SP4: variants seen among roughly 807,000 people sequenced by gnomAD.
SP4 encodes Sp4 transcription factor.
Under a neutral mutation model 72.8 loss-of-function variants are expected in SP4, and 19 were observed. The observed-to-expected ratio is 0.26, with a 90% CI of 0.18 to 0.38. SP4 has a LOEUF of 0.38. Ranked by LOEUF, SP4 falls within the 10% of genes least tolerant of loss-of-function variation. The probability of loss-of-function intolerance (pLI) is 1.00; values close to 1 mark genes in which losing one functional copy is unlikely to be tolerated. For synonymous variants in SP4, 395 were observed against 333.1 expected (o/e 1.19, Z -2.02); for missense variants, 1,008 against 926.3 (o/e 1.09, Z -1.14).
intron 5 of SP4, among the ~76,000 whole-genome samples, chr7:21,505,736 A>G (rs975389684): frequency 6.6e-6 from 1 of 152,164 alleles, no homozygotes; most frequent in Admixed American, 6.5e-5. Flanking sequence ...TAGCCCTTAG[A>G]TCTTGTAGCA....
rs1223690822 is a variant in SP4, at chr7:21,511,318, T to G, written c.*49T>G. On this transcript the variant is annotated 3_prime_UTR_variant, in exon 6 of 6. Coordinates refer to ENST00000222584, the MANE Select transcript of SP4 (RefSeq NM_003112.5). The stretch of plus-strand genomic sequence containing the variant: ...CTAGTGCTGCACTTGTTTACACACC[T>G]TTGAAAATCTGGAAATGGGCTGGTC... The G allele has an allele frequency of 6.4e-7, 1 of 1,560,796 alleles. No individual in the cohort carries two copies. The highest frequency in any genetic ancestry group is 8.7e-7 in the Non-Finnish European group (1 of 1,148,042).
chr7:21,485,322 T>C (rs1465695943), intron 5 of SP4, among the ~76,000 whole-genome samples: 1 of 151,938 alleles, frequency 6.6e-6, no homozygotes, highest in Non-Finnish European at 1.5e-5. Context: ...AATAGTGATC[T>C]GTTTGCTTTT....
intron 3 of SP4, among the ~76,000 whole-genome samples, chr7:21,435,784 A>G (rs1205460671): frequency 6.6e-6 from 1 of 152,146 alleles, no homozygotes; most frequent in African/African-American, 2.4e-5. Flanking sequence ...TACCTATTGA[A>G]TGATTTTTTC....
At position 21,430,770 on chromosome 7, in the gene SP4, A is replaced by G; in HGVS notation, c.1605A>G (p.Thr535=). The change falls in exon 3 of 6, where the codon ACA becomes ACG. Residue 535 remains threonine, a synonymous_variant. Transcript: ENST00000222584. ...AQLASVPNLQ[T]VSVANLGAAG... is the part of the protein sequence containing the mutation. ...TTGCATCAGTGCCTAACCTTCAGACAGTGAGCGTTGCCAACCTGGGTGCTG... is the reference window on the plus strand; with the variant it reads ...TTGCATCAGTGCCTAACCTTCAGACGGTGAGCGTTGCCAACCTGGGTGCTG... The G allele has an allele frequency of 6.2e-7, 1 of 1,614,242 alleles. No individual in the cohort carries two copies. The highest frequency in any genetic ancestry group is 8.5e-7 in the Non-Finnish European group (1 of 1,180,038).
intron 3 of SP4, among the ~76,000 whole-genome samples, chr7:21,476,838 A>G (rs1423524894): frequency 6.6e-6 from 1 of 152,208 alleles, no homozygotes; most frequent in Admixed American, 6.5e-5. Flanking sequence ...ATTAAGCCAC[A>G]AAGTGAGTTA....
At chr7:21,505,167 A>C (rs1439209523) in intron 5 of SP4, among the ~76,000 whole-genome samples, 1 of 152,190 alleles carries the variant, frequency 6.6e-6, no homozygotes, top group Non-Finnish European at 1.5e-5. Flanking sequence ...GTAGCCAGTT[A>C]AATCTAAAAA....
intron 5 of SP4, among the ~76,000 whole-genome samples, chr7:21,498,425 G>C (rs1208892999): frequency 6.6e-6 from 1 of 152,128 alleles, no homozygotes; most frequent in Admixed American, 6.6e-5. Context: ...CCAGGTAAAT[G>C]ATACTGGAAA....
chr7:21,510,360 TTAGTTAACATTAAACTAGCTTTTA>T lies in SP4; in HGVS notation c.2108-660_2108-637del, dbSNP rs1178664589. Among the ~76,000 whole-genome samples the T allele has an allele frequency of 4.1e-3, 619 of 151,380 alleles. 3 individuals carry two copies. The highest frequency in any genetic ancestry group is 0.014 in the African/African-American group (560 of 40,662). ...CAAAAACAAAAAGGCCTTTTTGTTTTTAGTTAACATTAAACTAGCTTTTATTCCAAAACAAAGAAGTCGGTCCAG... is the reference window on the plus strand; with the variant it reads ...CAAAAACAAAAAGGCCTTTTTGTTTTTTCCAAAACAAAGAAGTCGGTCCAG... On this transcript the variant is annotated intron_variant, in intron 5 of 5. Transcript: ENST00000222584.
chr7:21,462,026 A>AG (rs1784007179), intron 3 of SP4, among the ~76,000 whole-genome samples: 1 of 115,320 alleles, frequency 8.7e-6, no homozygotes, highest in Non-Finnish European at 1.8e-5. Flanking sequence ...TTTTAGTTTT[A>AG]GTTTTTTTTT....
chr7:21,469,255 A>G (rs982002230), intron 3 of SP4, among the ~76,000 whole-genome samples: 5 of 152,182 alleles, frequency 3.3e-5, no homozygotes, highest in Admixed American at 1.3e-4. Context: ...CAGAATTTTT[A>G]TATAGTAAAG....
rs1782138487 is a variant in SP4, at chr7:21,511,372, T to TTTC, written c.*104_*106dup. The TTTC allele has an allele frequency of 8.2e-7, 1 of 1,212,456 alleles. No homozygotes were observed. Among genetic ancestry groups the TTTC allele is most frequent in the Non-Finnish European group, 1.1e-6 (1 of 871,504 alleles). The allele number at this position is 1,212,456 out of a possible 1,614,324, so 75.1% of individuals were successfully genotyped here. Reference sequence around the variant, plus strand: ...TGGATTACAGAGTAGGAAATTATGTTTTCATTCTTGGCTTCTTTAAGTATT... The same window carrying TTTC: ...TGGATTACAGAGTAGGAAATTATGTTTTCTTCATTCTTGGCTTCTTTAAGTATT... On this transcript the variant is annotated 3_prime_UTR_variant, in exon 6 of 6. Coordinates refer to ENST00000222584, the MANE Select transcript of SP4 (RefSeq NM_003112.5).
intron 3 of SP4, among the ~76,000 whole-genome samples, chr7:21,461,416 C>T (rs946959577): frequency 1.5e-4 from 23 of 152,168 alleles, no homozygotes; most frequent in African/African-American, 3.4e-4. Context: ...AGAAATCGAG[C>T]GCAGCGCCAG....
At chr7:21,493,199 G>GGA (rs1554300574) in intron 5 of SP4, among the ~76,000 whole-genome samples, 6 of 146,478 alleles carry the variant, frequency 4.1e-5, no homozygotes, top group East Asian at 2.0e-4. Context: ...GATTCCATGT[G>GGA]AAAAAAAAAA....
intron 3 of SP4, among the ~76,000 whole-genome samples, chr7:21,443,000 T>TG (rs1306043651): frequency 1.3e-5 from 2 of 152,226 alleles, no homozygotes; most frequent in African/African-American, 4.8e-5. Context: ...CCTCCCAAAG[T>TG]GCTGGGATTA....
chr7:21,492,667 A>G (rs1303913616), intron 5 of SP4, among the ~76,000 whole-genome samples: 7 of 152,262 alleles, frequency 4.6e-5, no homozygotes, highest in African/African-American at 1.7e-4. Context: ...CTTAAAATCT[A>G]ATCAAATCAA....
intron 5 of SP4, among the ~76,000 whole-genome samples, chr7:21,495,034 A>G (rs1785073381): frequency 6.6e-6 from 1 of 152,190 alleles, no homozygotes; most frequent in Non-Finnish European, 1.5e-5. Flanking sequence ...AATTAGCCAT[A>G]TGCAAAACCT....
intron 5 of SP4, among the ~76,000 whole-genome samples, chr7:21,496,285 A>G (rs1231508988): frequency 6.6e-6 from 1 of 152,260 alleles, no homozygotes; most frequent in East Asian, 1.9e-4. Context: ...AAGTGGAGAC[A>G]AACTCATTTT....
rs1424539066 is a variant in SP4, at chr7:21,503,902, G to C, written c.2108-7120G>C. On this transcript the variant is annotated intron_variant, in intron 5 of 5. Coordinates refer to ENST00000222584, the MANE Select transcript of SP4 (RefSeq NM_003112.5). ...ATTCCTAAGTATTGTATCACACAAA[G>C]CCTGGGGTCCCCATTGACTCCATTT... Among the ~76,000 whole-genome samples, 9 of 152,228 alleles carry C rather than the reference G, an allele frequency of 5.9e-5. No individual in the cohort carries two copies. The East Asian group carries it at 1.7e-3, about 29-fold the overall frequency.
Position 21,471,917 on chromosome 7 carries a change from C to G in SP4, c.1679-5162C>G, listed in dbSNP as rs1238256330. Among the ~76,000 whole-genome samples, 6 of 152,182 alleles carry G rather than the reference C, an allele frequency of 3.9e-5. No homozygotes were observed. In the East Asian group the frequency reaches 1.2e-3, roughly 29 times the overall value. ...GGAAAACATCCAGTAAAGTGCCTTA[C>G]CACATAGTAGATATAAAACAATAGT... On this transcript the variant is annotated intron_variant, in intron 3 of 5. Transcript: ENST00000222584.
Sources: gnomAD v4.1 joint callset for allele counts (sites outside exome capture counted in the v4.1 genomes callset) on GRCh38, gnomAD v4.1.1 for gene constraint, MANE v1.5 for transcripts, NCBI Gene and HGNC (gene_info 2026-07-23, HGNC 2026-07-21) for gene names.